Variants in KIF4A observed in about 807,000 individuals in gnomAD.
The protein encoded by KIF4A is kinesin family member 4A.
A neutral mutation model predicts 105.9 loss-of-function variants in KIF4A; 7 were observed. The observed-to-expected ratio is 0.07, with a 90% CI of 0.04 to 0.12. The LOEUF is 0.12. Ranked by LOEUF, KIF4A falls within the 10% of genes least tolerant of loss-of-function variation. The pLI is 1.00. For synonymous variants in KIF4A, 281 were observed against 331.3 expected (o/e 0.85, Z 1.65); for missense variants, 558 against 929.2 (o/e 0.60, Z 5.19).
At chrX:70,397,280 G>C (rs2086263430) in intron 22 of KIF4A, among the ~76,000 whole-genome samples, 1 of 111,393 alleles carries the variant, frequency 9.0e-6, no homozygotes, top group Admixed American at 9.5e-5. Flanking sequence ...TGAGGCAGGA[G>C]AATCACTTGA....
intron 22 of KIF4A, chrX:70,396,408 A>C (rs777467588): frequency 8.1e-4 from 101 of 124,041 alleles, no homozygotes; most frequent in Admixed American, 7.6e-3. Flanking sequence ...TAATTTTTAA[A>C]AGGAAATTCA....
At position 70,350,509 on chromosome X, in the gene KIF4A, G is replaced by A. The variant is rs185521755; in HGVS notation, c.1432-2091G>A. The stretch of plus-strand genomic sequence containing the variant: ...GGAGAGGGAGAGGGAAAGGGAGAGA[G>A]GGGGAGGGGGAGGGGGAGAGGGAGA... On this transcript the variant is annotated intron_variant, in intron 13 of 30. Coordinates refer to ENST00000374403, the MANE Select transcript of KIF4A (RefSeq NM_012310.5). Among the ~76,000 whole-genome samples the A allele has an allele frequency of 5.0e-4, 54 of 108,498 alleles. 2 individuals are homozygous for A. The Admixed American group carries it at 5.0e-3, about 10-fold the overall frequency. The allele number at this position is 108,498 out of a possible 115,157, so 94.2% of individuals were successfully genotyped here. A position where few individuals can be genotyped will look rare whatever the true frequency, so the allele number is the denominator to read the frequency against.
At chrX:70,392,178 G>A (rs1156298071) in intron 20 of KIF4A, among the ~76,000 whole-genome samples, 5 of 111,723 alleles carry the variant, frequency 4.5e-5, no homozygotes, top group Non-Finnish European at 9.4e-5. Context: ...CTCAGAAAGA[G>A]CTGGGAAGTG....
chrX:70,383,883 T>G (rs1294433919), intron 18 of KIF4A, among the ~76,000 whole-genome samples: 1 of 111,804 alleles, frequency 8.9e-6, no homozygotes, highest in African/African-American at 3.2e-5. Context: ...TCTCTAGGGC[T>G]TTGGGGTGGG....
intron 15 of KIF4A, among the ~76,000 whole-genome samples, chrX:70,372,533 C>G (rs1368837793): frequency 7.9e-5 from 9 of 114,333 alleles, no homozygotes; most frequent in East Asian, 2.7e-4. Context: ...ATCGCAGGCA[C>G]TAGGCAGGCT....
chrX:70,368,649 G>T (rs2086116158), intron 15 of KIF4A, among the ~76,000 whole-genome samples: 1 of 112,040 alleles, frequency 8.9e-6, no homozygotes, highest in African/African-American at 3.2e-5. Flanking sequence ...TGAGGTGTCA[G>T]TCTGCCCCTC....
chrX:70,401,301 A>G (rs2086281296), intron 22 of KIF4A, among the ~76,000 whole-genome samples: 1 of 104,108 alleles, frequency 9.6e-6, no homozygotes, highest in South Asian at 4.3e-4. Flanking sequence ...GATGGTCTCG[A>G]TCTCCTGACC....
At chrX:70,334,757 G>GAGTC (rs1318858502) in intron 10 of KIF4A, among the ~76,000 whole-genome samples, 1 of 111,806 alleles carries the variant, frequency 8.9e-6, no homozygotes, top group Admixed American at 9.5e-5. Flanking sequence ...ATGGATCTAA[G>GAGTC]AGTCAGAGTT....
In KIF4A at chrX:70,290,770, C is replaced by T. The variant is rs780336746; in HGVS notation, c.200C>T (p.Thr67Ile). The T allele has an allele frequency of 5.8e-6, 7 of 1,199,886 alleles. No individual in the cohort carries two copies. Among genetic ancestry groups the T allele is most frequent in the Non-Finnish European group, 7.9e-6 (7 of 885,990 alleles). ...ACTGAACAGGAAGAAGTCTTCAATA[C>T]AGCAGTAGCGCCACTCATAAAAGGT... ...PSTEQEEVFN[T>I]AVAPLIKGVF... The change falls in exon 3 of 31, where the codon ACA becomes ATA. Residue 67 changes from threonine (T) to isoleucine (I), a missense_variant. Thr to Ile is a moderately conservative substitution (Grantham distance 89). Around this residue, in one of 2 missense-constraint regions of KIF4A, gnomAD observed 89 missense variants for 248.8 expected, o/e 0.36. Transcript: ENST00000374403.
At chrX:70,400,621 G>A (rs1452499324) in intron 22 of KIF4A, among the ~76,000 whole-genome samples, 1 of 111,997 alleles carries the variant, frequency 8.9e-6, no homozygotes, top group Non-Finnish European at 1.9e-5. Context: ...TGCATACAGA[G>A]GGAGACATAA....
chrX:70,374,106 G>T, intron 15 of KIF4A, 45 bp from the exon 16 acceptor site: 2 of 790,008 alleles, frequency 2.5e-6, no homozygotes, highest in Non-Finnish European at 3.7e-6. Context: ...TTTTCTTCCT[G>T]TGCCATATAA....
chrX:70,392,179 C>T (rs2086239972), intron 20 of KIF4A, among the ~76,000 whole-genome samples: 1 of 111,499 alleles, frequency 9.0e-6, no homozygotes. Flanking sequence ...TCAGAAAGAG[C>T]TGGGAAGTGT....
chrX:70,361,773 T>C (rs1258062282), intron 15 of KIF4A: 1 of 113,928 alleles, frequency 8.8e-6, no homozygotes, highest in Non-Finnish European at 1.8e-5. Flanking sequence ...GTGCCCAGGC[T>C]GGGCTGGTCC....
intron 22 of KIF4A, among the ~76,000 whole-genome samples, chrX:70,400,818 A>AG (rs1349061450): frequency 9.1e-6 from 1 of 110,268 alleles, no homozygotes; most frequent in African/African-American, 3.3e-5. Flanking sequence ...CCCAAGCTGG[A>AG]GTGCAATGAC....
intron 7 of KIF4A, 115 bp downstream of exon 7, chrX:70,302,513 A>G (rs771182914): frequency 8.4e-6 from 6 of 716,039 alleles, no homozygotes; most frequent in Non-Finnish European, 1.2e-5. Flanking sequence ...GCTACGATTC[A>G]GATTTGAGGC....
intron 28 of KIF4A, among the ~76,000 whole-genome samples, chrX:70,416,473 C>T (rs2086345312): frequency 9.3e-6 from 1 of 107,259 alleles, no homozygotes; most frequent in African/African-American, 3.4e-5. Flanking sequence ...CCACCTCAGC[C>T]TCCTGAGGTT....
intron 22 of KIF4A, among the ~76,000 whole-genome samples, chrX:70,401,079 AT>A (rs1271801890): frequency 0.079 from 5,830 of 73,984 alleles, 313 homozygotes; most frequent in African/African-American, 0.19. Context: ...TAGGTTTATG[AT>A]TTTTTTTTTT....
At chrX:70,310,605 T>G (rs2147665252) in intron 7 of KIF4A, among the ~76,000 whole-genome samples, 1 of 111,511 alleles carries the variant, frequency 9.0e-6, no homozygotes, top group African/African-American at 3.3e-5. Context: ...TACCTAGGAA[T>G]AGAAGAGGGC....
At chrX:70,329,592 T>C in intron 8 of KIF4A, 71 bp downstream of exon 8, 1 of 880,026 alleles carries the variant, frequency 1.1e-6, no homozygotes, top group Non-Finnish European at 1.7e-6. Context: ...AAAGATGAAA[T>C]AGGTAAAAAG....
Sources: allele counts gnomAD v4.1 joint callset (sites outside exome capture counted in the v4.1 genomes callset), GRCh38; gene constraint gnomAD v4.1.1; regional missense constraint gnomAD v4.1.1; transcripts MANE v1.5; gene names NCBI Gene and HGNC (gene_info 2026-07-23, HGNC 2026-07-21).